The following CNTN6 variants were observed in gnomAD, a reference collection of about 807,000 sequenced individuals.
The protein encoded by CNTN6 is contactin-6.
In CNTN6, 137 loss-of-function variants were observed where a neutral mutation model predicts 122.8. That is an observed-to-expected ratio of 1.12 (90% CI 0.97 to 1.29). The LOEUF is 1.29. Ranked by LOEUF, CNTN6 falls within the 50% of genes most tolerant of loss-of-function variation. The pLI, the probability that CNTN6 is intolerant of heterozygous loss-of-function variation, is 0.00. For missense variants in CNTN6, 1,634 were observed against 1,223.4 expected (o/e 1.34, Z -5.01); for synonymous variants, 570 against 426.0 (o/e 1.34, Z -4.16).
chr3:1,386,747 C>G (rs1693025886), intron 20 of CNTN6, among the ~76,000 whole-genome samples: 1 of 152,058 alleles, frequency 6.6e-6, no homozygotes, highest in Non-Finnish European at 1.5e-5. Context: ...AATATAGTTG[C>G]TGAATTTTGA....
At chr3:1,103,783 A>G (rs1342214038) in intron 1 of CNTN6, among the ~76,000 whole-genome samples, 3 of 152,144 alleles carry the variant, frequency 2.0e-5, no homozygotes, top group African/African-American at 7.2e-5. Context: ...TGGAACAAAA[A>G]TTCATTTTCT....
intron 4 of CNTN6, among the ~76,000 whole-genome samples, chr3:1,252,633 A>T (rs189116431): frequency 4.2e-4 from 64 of 152,304 alleles, no homozygotes; most frequent in South Asian, 8.3e-4. Context: ...AACAATTAAG[A>T]TTTCAGAATT....
chr3:1,180,425 C>T (rs1397242337), intron 2 of CNTN6, among the ~76,000 whole-genome samples: 1 of 152,162 alleles, frequency 6.6e-6, no homozygotes, highest in Non-Finnish European at 1.5e-5. Context: ...TATTAGTTCC[C>T]ACCAAAATAG....
chr3:1,359,605 T>C (rs1196431144), intron 12 of CNTN6, among the ~76,000 whole-genome samples: 5 of 152,132 alleles, frequency 3.3e-5, no homozygotes, highest in Admixed American at 1.3e-4. Flanking sequence ...TGGTGAAATA[T>C]GATAAATGCT....
intron 1 of CNTN6, among the ~76,000 whole-genome samples, chr3:1,125,402 G>A (rs2092124100): frequency 6.6e-6 from 1 of 151,798 alleles, no homozygotes; most frequent in Admixed American, 6.6e-5. Context: ...GTTCATTTTA[G>A]CCTTTTACAT....
rs201154294 is a variant in CNTN6 at position 1,325,906 on chromosome 3, C to A, written c.1038C>A (p.Asn346Lys). 6.2e-7 allele frequency: 1 copy of A among 1,611,720 alleles called. No individual in the cohort carries two copies. Among genetic ancestry groups the A allele is most frequent in the Admixed American group, 1.7e-5 (1 of 59,776 alleles). Reference sequence around the variant, plus strand: ...AATGTAAAGCTAGTGGAAAGCCAAACCCTTGGTATACATGGTTAAAAAATG... The same window carrying A: ...AATGTAAAGCTAGTGGAAAGCCAAAACCTTGGTATACATGGTTAAAAAATG... ...LWECKASGKP[N>K]PWYTWLKNGE... The change falls in exon 9 of 23, where the codon AAC (asparagine) becomes AAA (lysine). Residue 346 changes from asparagine (N) to lysine (K), a missense_variant. Asn to Lys is a moderately conservative substitution (Grantham distance 94, BLOSUM62 0). Transcript: ENST00000446702.
chr3:1,192,564 T>C (rs1372333347), intron 2 of CNTN6, among the ~76,000 whole-genome samples: 1 of 152,140 alleles, frequency 6.6e-6, no homozygotes, highest in Non-Finnish European at 1.5e-5. Context: ...AGTCCAGAAC[T>C]GCTTTCAGAA....
chr3:1,329,709 G>GT, intron 10 of CNTN6, 76 bp from the exon 11 acceptor site: 1 of 1,261,382 alleles, frequency 7.9e-7, no homozygotes, highest in Admixed American at 2.2e-5. Flanking sequence ...ATTCTGTCTA[G>GT]CATAGCAAGT....
At chr3:1,211,882 C>T (rs1049403142) in intron 2 of CNTN6, among the ~76,000 whole-genome samples, 4 of 152,130 alleles carry the variant, frequency 2.6e-5, no homozygotes, top group Non-Finnish European at 5.9e-5. Flanking sequence ...TCAGCCATGG[C>T]CCAAGGAATG....
At chr3:1,275,281 A>G (rs893093330) in intron 4 of CNTN6, among the ~76,000 whole-genome samples, 2 of 152,160 alleles carry the variant, frequency 1.3e-5, no homozygotes, top group Non-Finnish European at 2.9e-5. Context: ...AACTCTAAAG[A>G]GTTCTCATGA....
At chr3:1,135,495 C>A (rs1480948984) in intron 1 of CNTN6, among the ~76,000 whole-genome samples, 1 of 152,116 alleles carries the variant, frequency 6.6e-6, no homozygotes, top group South Asian at 2.1e-4. Context: ...CTTTCCTTCT[C>A]CTAATGGATA....
At chr3:1,116,573 T>C (rs1437812563) in intron 1 of CNTN6, among the ~76,000 whole-genome samples, 2 of 151,958 alleles carry the variant, frequency 1.3e-5, no homozygotes, top group Non-Finnish European at 2.9e-5. Context: ...GAATATGGAA[T>C]ATGGATGGAA....
chr3:1,256,239 C>G (rs3864026), intron 4 of CNTN6, among the ~76,000 whole-genome samples: 42,497 of 151,842 alleles, frequency 0.28, 6,263 homozygotes, highest in South Asian at 0.43. Context: ...TTATAATTTT[C>G]TAAGTTATGA....
chr3:1,352,169 T>C (rs17193320), intron 11 of CNTN6, among the ~76,000 whole-genome samples, 155 bp from the exon 12 acceptor site: 5,194 of 151,918 alleles, frequency 0.034, 124 homozygotes, highest in South Asian at 0.058. Context: ...GACTCAGAGA[T>C]AGCTCACAAT....
chr3:1,211,638 G>T (rs938141327), intron 2 of CNTN6, among the ~76,000 whole-genome samples: 2 of 151,974 alleles, frequency 1.3e-5, no homozygotes, highest in Non-Finnish European at 2.9e-5. Flanking sequence ...CCATCATTCT[G>T]TTCCCCCCCA....
At chr3:1,326,065 C>T in intron 9 of CNTN6, 114 bp downstream of exon 9, 1 of 890,668 alleles carries the variant, frequency 1.1e-6, no homozygotes, top group Admixed American at 2.8e-5. Context: ...TTGGTATGTT[C>T]CAGGAAAGGA....
At chr3:1,361,569 A>G (rs1707469990) in intron 12 of CNTN6, among the ~76,000 whole-genome samples, 1 of 152,114 alleles carries the variant, frequency 6.6e-6, no homozygotes, top group African/African-American at 2.4e-5. Flanking sequence ...ACTGACAGCA[A>G]TTATCATACT....
At chr3:1,358,858 A>G (rs962267871) in intron 12 of CNTN6, among the ~76,000 whole-genome samples, 2 of 151,896 alleles carry the variant, frequency 1.3e-5, no homozygotes, top group Non-Finnish European at 2.9e-5. Context: ...ATTGCTTGAG[A>G]CCAGGAGTTC....
intron 20 of CNTN6, among the ~76,000 whole-genome samples, chr3:1,390,211 T>C (rs1044043989): frequency 6.6e-6 from 1 of 151,926 alleles, no homozygotes; most frequent in African/African-American, 2.4e-5. Context: ...ACAAACTATC[T>C]CTCAGGCCAC....
Sources: gnomAD v4.1 joint callset for allele counts (sites outside exome capture counted in the v4.1 genomes callset) on GRCh38, gnomAD v4.1.1 for gene constraint, MANE v1.5 for transcripts, NCBI Gene and HGNC (gene_info 2026-07-23, HGNC 2026-07-21) for gene names.